The following CFAP74 variants were observed in gnomAD, a reference collection of about 807,000 sequenced individuals.
The protein encoded by CFAP74 is cilia- and flagella-associated protein 74.
In CFAP74, 124 loss-of-function variants were observed where a neutral mutation model predicts 188.9. That is an observed-to-expected ratio of 0.66 (90% CI 0.57 to 0.76). The LOEUF is 0.76. CFAP74 is among the 30% of genes least tolerant of loss of function. CFAP74 has a pLI of 0.00. For missense variants in CFAP74, 2,198 were observed against 2,165.2 expected (o/e 1.02, Z -0.30); for synonymous variants, 956 against 916.7 (o/e 1.04, Z -0.77).
intron 13 of CFAP74, among the ~76,000 whole-genome samples, 196 bp downstream of exon 13, chr1:1,964,692 A>G (rs1470251892): frequency 6.6e-6 from 1 of 152,236 alleles, no homozygotes; most frequent in East Asian, 1.9e-4. Context: ...CGGGAGGCTG[A>G]GGCAGGAGAA....
intron 6 of CFAP74, among the ~76,000 whole-genome samples, chr1:1,980,142 G>A (rs1425384828): frequency 1.7e-4 from 17 of 100,322 alleles, no homozygotes; most frequent in South Asian, 4.9e-4. Context: ...CTCTTACCGC[G>A]TGGGGAGGAC....
rs148996955 is a variant in CFAP74, at chr1:1,925,970, G to C, written c.3949-32C>G. 2.1e-3 allele frequency: 3,283 copies of C among 1,555,970 alleles called. 35 individuals are homozygous for C. Among genetic ancestry groups the C allele is most frequent in the South Asian group, 0.015 (1,273 of 84,674 alleles). ...AGACCACATCGCTCAGCCAGGAACC[G>C]ATGTCTGCTGGAGCCACGAGGGGAG... On this transcript the variant is annotated intron_variant, in intron 32 of 38. Transcript: ENST00000682832.
intron 14 of CFAP74, among the ~76,000 whole-genome samples, chr1:1,961,823 C>G (rs1345152338): frequency 6.6e-6 from 1 of 152,242 alleles, no homozygotes; most frequent in Non-Finnish European, 1.5e-5. Flanking sequence ...GACCCTAAGA[C>G]TGACCTAAAA....
intron 1 of CFAP74, among the ~76,000 whole-genome samples, chr1:1,993,924 G>T (rs1428756863): frequency 3.3e-5 from 5 of 151,014 alleles, no homozygotes; most frequent in South Asian, 2.1e-4. Flanking sequence ...GGAGCTTGCA[G>T]TGAGCCGAGA....
intron 10 of CFAP74, among the ~76,000 whole-genome samples, chr1:1,969,472 C>T (rs1288438418): frequency 6.7e-6 from 1 of 148,884 alleles, no homozygotes; most frequent in Non-Finnish European, 1.5e-5. Context: ...CCAGCCCAGC[C>T]CTGCCCGGCC....
At position 1,964,796 on chromosome 1, in the gene CFAP74, A is replaced by G. The variant is rs1570929546; in HGVS notation, c.1575+92T>C. On this transcript the variant is annotated intron_variant, in intron 13 of 38. Transcript: ENST00000682832. ...CAGAGTGAGACTCCATCTCAAAAAA[A>G]AGCAAAAGGTGTCAGGGGTTGGGCT... The G allele has an allele frequency of 2.8e-6, 4 of 1,440,776 alleles. No individual in the cohort carries two copies. The East Asian group carries it at 9.3e-5, about 33-fold the overall frequency. 89.2% of individuals were successfully genotyped at this position (1,440,776 alleles called of 1,614,324 possible). A position where few individuals can be genotyped will look rare whatever the true frequency, so the allele number is the denominator to read the frequency against.
intron 6 of CFAP74, among the ~76,000 whole-genome samples, chr1:1,976,001 CCAAGGT>C (rs1656414406): frequency 6.6e-6 from 1 of 152,210 alleles, no homozygotes; most frequent in South Asian, 2.1e-4. Context: ...GCCGGGAAGT[CCAAGGT>C]CAAGGTGCCA....
intron 6 of CFAP74, chr1:1,985,090 C>T (rs3795284): frequency 0.37 from 123,678 of 336,100 alleles, 24,911 homozygotes; most frequent in African/African-American, 0.6. Flanking sequence ...CTCTCCTGGG[C>T]TTTGAAAACC....
intron 1 of CFAP74, among the ~76,000 whole-genome samples, chr1:1,993,807 C>T (rs971670385): frequency 3.6e-5 from 2 of 55,960 alleles, no homozygotes; most frequent in Non-Finnish European, 7.8e-5. Context: ...ACAATGAAAC[C>T]CCACCTCTAC....
intron 1 of CFAP74, among the ~76,000 whole-genome samples, chr1:1,998,075 C>T (rs888962048): frequency 2.0e-5 from 3 of 152,056 alleles, no homozygotes; most frequent in African/African-American, 2.4e-5. Flanking sequence ...GTCAGGAGTT[C>T]GAGACCTGCC....
intron 16 of CFAP74, among the ~76,000 whole-genome samples, 173 bp downstream of exon 16, chr1:1,958,947 C>T (rs1315911334): frequency 6.6e-6 from 1 of 152,186 alleles, no homozygotes. Flanking sequence ...TAAGGTTCGG[C>T]TCAGGCCCAC....
At chr1:1,960,841 A>G (rs1199578882) in intron 14 of CFAP74, among the ~76,000 whole-genome samples, 1 of 152,232 alleles carries the variant, frequency 6.6e-6, no homozygotes, top group Non-Finnish European at 1.5e-5. Flanking sequence ...CGTGCCTCAC[A>G]TAAACCAGCA....
intron 6 of CFAP74, among the ~76,000 whole-genome samples, chr1:1,978,601 G>A (rs1028959680): frequency 5.3e-5 from 8 of 152,146 alleles, no homozygotes; most frequent in African/African-American, 1.7e-4. Flanking sequence ...GAGGAGGAAC[G>A]CAGGCAGCTT....
intron 14 of CFAP74, among the ~76,000 whole-genome samples, chr1:1,960,310 G>C (rs560152322): frequency 6.6e-6 from 1 of 152,400 alleles, no homozygotes; most frequent in Admixed American, 6.5e-5. Context: ...CCAACTGCCA[G>C]GAAATGGGAC....
Position 1,970,646 on chromosome 1 carries a change from C to T in CFAP74, c.1046+13G>A, listed in dbSNP as rs2102077703. 1.3e-6 allele frequency: 2 copies of T among 1,597,324 alleles called. No individual in the cohort carries two copies. The highest frequency in any genetic ancestry group is 4.5e-5 in the East Asian group (2 of 44,356). The stretch of plus-strand genomic sequence containing the variant: ...CGGGTGCCTCCCGGTGGCACCTCTG[C>T]CACCACCCTCACCTCTTCTGGGCCT... On this transcript the variant is annotated intron_variant, in intron 10 of 38. Transcript: ENST00000682832.
At chr1:1,946,943 C>A in intron 19 of CFAP74, 47 bp downstream of exon 19, 1 of 1,408,878 alleles carries the variant, frequency 7.1e-7, no homozygotes, top group Non-Finnish European at 9.7e-7. Context: ...GGAAGGTGGG[C>A]GGTGTCTTGG....
chr1:1,992,939 G>A (rs1296618147), intron 1 of CFAP74, among the ~76,000 whole-genome samples: 15 of 151,398 alleles, frequency 9.9e-5, no homozygotes, highest in African/African-American at 9.7e-5. Flanking sequence ...AGTGGCTCGC[G>A]CTTATAATCC....
At chr1:1,931,990 T>TAGG (rs1465683292) in intron 25 of CFAP74, among the ~76,000 whole-genome samples, 1 of 138,938 alleles carries the variant, frequency 7.2e-6, no homozygotes, top group African/African-American at 2.7e-5. Flanking sequence ...TGCTTGAACC[T>TAGG]AGGAGGTAGA....
intron 18 of CFAP74, among the ~76,000 whole-genome samples, chr1:1,952,233 G>A (rs113959770): frequency 0.078 from 11,798 of 152,060 alleles, 1,487 homozygotes; most frequent in African/African-American, 0.27. Flanking sequence ...GATTACAGGC[G>A]TGAGCCACTG....
Sources: gnomAD v4.1 joint callset for allele counts (sites outside exome capture counted in the v4.1 genomes callset) on GRCh38, gnomAD v4.1.1 for gene constraint, MANE v1.5 for transcripts, NCBI Gene and HGNC (gene_info 2026-07-23, HGNC 2026-07-21) for gene names.